SORCS3: variants seen among roughly 807,000 people sequenced by gnomAD.
The protein encoded by SORCS3 is sortilin related VPS10 domain containing receptor 3.
Under a neutral mutation model 146.3 loss-of-function variants are expected in SORCS3, and 57 were observed. The ratio of observed to expected loss-of-function variants is 0.39; its 90% CI spans 0.31 to 0.49. SORCS3 has a LOEUF of 0.49. Among genes scored for constraint, SORCS3 ranks in the 20% least tolerant of loss-of-function variants. SORCS3 has a pLI of 0.92. For missense variants in SORCS3, 1,341 were observed against 1,575.5 expected, an observed-to-expected ratio of 0.85 and a Z score of 2.52; for synonymous variants, 653 against 618.5, an observed-to-expected ratio of 1.06 and a Z score of -0.83.
intron 1 of SORCS3, among the ~76,000 whole-genome samples, chr10:104,687,506 C>G (rs2016059272): frequency 6.6e-6 from 1 of 152,174 alleles, no homozygotes. Flanking sequence ...TAAATACACA[C>G]TAAGGTGTAA....
At chr10:105,114,549 G>A (rs2055880826) in intron 7 of SORCS3, among the ~76,000 whole-genome samples, 1 of 152,132 alleles carries the variant, frequency 6.6e-6, no homozygotes, top group African/African-American at 2.4e-5. Flanking sequence ...CTGAGCACAG[G>A]GAAAGGGTAG....
intron 1 of SORCS3, among the ~76,000 whole-genome samples, chr10:104,746,598 A>G (rs2016914881): frequency 6.6e-6 from 1 of 152,264 alleles, no homozygotes; most frequent in Admixed American, 6.5e-5. Context: ...TATAAAAATC[A>G]CTAAGGCTTA....
intron 7 of SORCS3, among the ~76,000 whole-genome samples, chr10:105,119,361 G>C (rs1023323511): frequency 6.6e-6 from 1 of 152,168 alleles, no homozygotes; most frequent in Non-Finnish European, 1.5e-5. Context: ...AGCCCTCATA[G>C]AGAACCTCTG....
At chr10:104,794,628 A>G (rs1022525681) in intron 1 of SORCS3, among the ~76,000 whole-genome samples, 5 of 41,546 alleles carry the variant, frequency 1.2e-4, no homozygotes, top group Admixed American at 7.0e-4. Flanking sequence ...GGAGGGAGAG[A>G]GAGAGAGAGA....
At position 105,009,774 on chromosome 10, in the gene SORCS3, A is replaced by C. The variant is rs972401184; in HGVS notation, c.954+32281A>C. 2.0e-5 allele frequency among the ~76,000 whole-genome samples: 3 copies of C among 151,956 alleles called. No homozygotes were observed. In the East Asian group the frequency reaches 5.8e-4, roughly 29 times the overall value. On this transcript the variant is annotated intron_variant, in intron 4 of 26. Transcript: ENST00000369701. ...TCATTTTTTTCAATAATTTTCAAAA[A>C]CTGAAGGAAAACCTAGCTTTTCTTT...
intron 1 of SORCS3, among the ~76,000 whole-genome samples, chr10:104,657,065 G>A (rs2015640901): frequency 6.6e-6 from 1 of 152,180 alleles, no homozygotes; most frequent in Admixed American, 6.5e-5. Flanking sequence ...AAGTGATAGT[G>A]TGCCAGTTCT....
At chr10:105,170,291 A>G (rs1023872142) in intron 13 of SORCS3, among the ~76,000 whole-genome samples, 1 of 152,114 alleles carries the variant, frequency 6.6e-6, no homozygotes, top group Non-Finnish European at 1.5e-5. Flanking sequence ...AAATTACTCA[A>G]TATTCATTTA....
intron 4 of SORCS3, among the ~76,000 whole-genome samples, chr10:105,012,775 C>T (rs986469317): frequency 1.3e-5 from 2 of 152,084 alleles, no homozygotes; most frequent in African/African-American, 2.4e-5. Flanking sequence ...AAATATTGTA[C>T]GTTGAAGCAT....
chr10:104,988,934 T>C (rs941325985), intron 4 of SORCS3, among the ~76,000 whole-genome samples: 2 of 152,306 alleles, frequency 1.3e-5, no homozygotes, highest in African/African-American at 4.8e-5. Context: ...TCCCCCAATC[T>C]AGCCAATTTG....
chr10:104,732,494 T>C (rs2016717394), intron 1 of SORCS3, among the ~76,000 whole-genome samples: 1 of 152,180 alleles, frequency 6.6e-6, no homozygotes, highest in Admixed American at 6.5e-5. Context: ...AGAACCAGGC[T>C]CTGCTTCAGG....
chr10:104,757,217 A>G (rs2017064267), intron 1 of SORCS3, among the ~76,000 whole-genome samples: 1 of 152,150 alleles, frequency 6.6e-6, no homozygotes, highest in Non-Finnish European at 1.5e-5. Flanking sequence ...TGACCAGGGC[A>G]GCTGTCCACA....
chr10:105,068,869 A>T (rs181705977), intron 5 of SORCS3, among the ~76,000 whole-genome samples: 4 of 152,326 alleles, frequency 2.6e-5, no homozygotes, highest in Admixed American at 6.5e-5. Context: ...TACTGACCAT[A>T]GTAAGATGCC....
Position 105,186,104 on chromosome 10 carries a change from AG to A in SORCS3, c.2009+7933del, listed in dbSNP as rs1329015031. ...TTACCACATCTTTATGTATGCCTCC[AG>A]GTACATACATGGAAGAAGTTCTCTG... On this transcript the variant is annotated intron_variant, in intron 14 of 26. Transcript: ENST00000369701. Among the ~76,000 whole-genome samples, 4 of 152,360 alleles carry A rather than the reference AG, an allele frequency of 2.6e-5. No individual in the cohort carries two copies. The East Asian group carries it at 7.7e-4, about 29-fold the overall frequency.
intron 4 of SORCS3, among the ~76,000 whole-genome samples, chr10:104,979,361 G>A (rs994974109): frequency 9.9e-5 from 15 of 152,102 alleles, no homozygotes; most frequent in African/African-American, 3.4e-4. Flanking sequence ...CTCCAGAATC[G>A]TACTACAGTG....
intron 1 of SORCS3, among the ~76,000 whole-genome samples, chr10:104,777,911 G>A (rs1366083021): frequency 6.6e-6 from 1 of 152,126 alleles, no homozygotes; most frequent in African/African-American, 2.4e-5. Flanking sequence ...TTTTACTGGG[G>A]TGAGATTATA....
At chr10:105,000,961 G>A (rs1057149917) in intron 4 of SORCS3, among the ~76,000 whole-genome samples, 1 of 152,126 alleles carries the variant, frequency 6.6e-6, no homozygotes, top group Non-Finnish European at 1.5e-5. Flanking sequence ...TGAGGTCTTA[G>A]TTTGATTTTG....
intron 1 of SORCS3, among the ~76,000 whole-genome samples, chr10:104,830,889 A>T (rs1177266605): frequency 6.6e-6 from 1 of 152,112 alleles, no homozygotes; most frequent in African/African-American, 2.4e-5. Context: ...GCAGCTCACT[A>T]CAGCCTTGAC....
intron 2 of SORCS3, among the ~76,000 whole-genome samples, chr10:104,867,309 A>ATT (rs1258978078): frequency 8.0e-5 from 11 of 138,286 alleles, no homozygotes; most frequent in Non-Finnish European, 1.1e-4. Flanking sequence ...CCAGTGTACA[A>ATT]TTTTTTTTTT....
chr10:105,211,061 A>G (rs2056630174), intron 16 of SORCS3, 76 bp from the exon 17 acceptor site: 2 of 936,012 alleles, frequency 2.1e-6, no homozygotes, highest in Admixed American at 3.6e-5. Context: ...AGGGACATGT[A>G]TATGTTTGTG....
Sources: allele counts gnomAD v4.1 joint callset (sites outside exome capture counted in the v4.1 genomes callset), GRCh38; gene constraint gnomAD v4.1.1; transcripts MANE v1.5; gene names NCBI Gene and HGNC (gene_info 2026-07-23, HGNC 2026-07-21).